PWWP3B: variants seen among roughly 807,000 people sequenced by gnomAD.
The protein encoded by PWWP3B is PWWP domain-containing DNA repair factor 3B.
A neutral mutation model predicts 15.7 loss-of-function variants in PWWP3B; 5 were observed. The observed-to-expected ratio is 0.32, with a 90% CI of 0.17 to 0.67. The LOEUF (loss-of-function observed/expected upper bound fraction) is 0.67, where lower values mean the gene tolerates loss of function less well. PWWP3B is among the 30% of genes least tolerant of loss of function. PWWP3B has a pLI of 0.74. For synonymous variants in PWWP3B, 203 were observed against 179.8 expected (o/e 1.13, Z -1.03); for missense variants, 519 against 493.1 (o/e 1.05, Z -0.50).
At chrX:106,169,188 T>C (rs903704262) in intron 1 of PWWP3B, among the ~76,000 whole-genome samples, 3 of 111,630 alleles carry the variant, frequency 2.7e-5, no homozygotes, top group South Asian at 7.5e-4. Context: ...TATGTCGGCA[T>C]AGAAACTGAG....
chrX:106,175,722 T>C (rs1921868734), intron 2 of PWWP3B, among the ~76,000 whole-genome samples: 1 of 111,520 alleles, frequency 9.0e-6, no homozygotes, highest in South Asian at 3.8e-4. Context: ...CCTAGCTTTG[T>C]GACCGTGGCA....
intron 2 of PWWP3B, among the ~76,000 whole-genome samples, chrX:106,189,099 A>G (rs1295345910): frequency 8.9e-6 from 1 of 112,214 alleles, no homozygotes; most frequent in Non-Finnish European, 1.9e-5. Flanking sequence ...TAGCTGTGAC[A>G]TTTTGCATTT....
Position 106,206,033 on chromosome X carries a change from G to A in PWWP3B, c.601G>A (p.Glu201Lys). The A allele has an allele frequency of 8.3e-7, 1 of 1,209,100 alleles. No homozygotes were observed. The highest frequency in any genetic ancestry group is 1.7e-5 in the African/African-American group (1 of 57,760). ...GTGCGAGACTTTCCCTTCACTTTCG[G>A]AAGATAATGATGAAAAAGAGAACAA... ...SWCETFPSLS[E>K]DNDEKENKNK... The change falls in exon 4 of 4, where the codon GAA becomes AAA. Residue 201 changes from glutamate (E) to lysine (K), a missense_variant. Physicochemically the swap from Glu to Lys is moderately conservative, Grantham distance 56. Transcript: ENST00000357175.
chrX:106,205,939 A>G lies in PWWP3B; in HGVS notation c.507A>G (p.Ser169=). The stretch of plus-strand genomic sequence containing the variant: ...ATGATTCCCTGTATGATGATAAATC[A>G]CAAGCACCCACAATGGTCGATACTA... ...ESDDSLYDDK[S]QAPTMVDTIP... is the part of the protein sequence containing the mutation. Residue 169 remains serine (S), a synonymous_variant, in exon 4 of 4, where the codon TCA becomes TCG. Coordinates refer to ENST00000357175, the MANE Select transcript of PWWP3B (RefSeq NM_001171020.2). 1 of 1,210,854 alleles carries G rather than the reference A, an allele frequency of 8.3e-7. No homozygotes were observed. Among genetic ancestry groups the G allele is most frequent in the Non-Finnish European group, 1.1e-6 (1 of 895,030 alleles).
chrX:106,170,744 C>T (rs1921574838), intron 1 of PWWP3B, among the ~76,000 whole-genome samples: 1 of 111,714 alleles, frequency 9.0e-6, no homozygotes, highest in African/African-American at 3.3e-5. Context: ...GAGTCTGGCC[C>T]ATAGTAGAAA....
intron 2 of PWWP3B, among the ~76,000 whole-genome samples, chrX:106,189,304 T>C: frequency 9.0e-6 from 1 of 111,415 alleles, no homozygotes; most frequent in Non-Finnish European, 1.9e-5. Flanking sequence ...TATGTATACA[T>C]GTGCCATGTT....
chrX:106,192,390 C>G (rs1160865334), intron 2 of PWWP3B, among the ~76,000 whole-genome samples: 211 of 110,400 alleles, frequency 1.9e-3, no homozygotes, highest in Non-Finnish European at 3.4e-3. Flanking sequence ...TGGTGATATC[C>G]CCTTTATCAT....
chrX:106,187,341 C>T (rs1273969346), intron 2 of PWWP3B, among the ~76,000 whole-genome samples: 1 of 111,777 alleles, frequency 8.9e-6, no homozygotes, highest in Non-Finnish European at 1.9e-5. Flanking sequence ...AAAATGTTTC[C>T]CATTCCATCA....
Position 106,205,963 on chromosome X carries a change from T to C in PWWP3B, c.531T>C (p.Thr177=). ...CACAAGCACCCACAATGGTCGATAC[T>C]ATTCCAAGTGAAGTGGAAACAAAGT... is the stretch of plus-strand genomic sequence containing the variant. ...DKSQAPTMVD[T]IPSEVETKSL... Residue 177 remains threonine, a synonymous_variant, in exon 4 of 4, where the codon ACT becomes ACC. Coordinates refer to ENST00000357175, the MANE Select transcript of PWWP3B (RefSeq NM_001171020.2). 8.3e-7 allele frequency: 1 copy of C among 1,210,477 alleles called. No individual in the cohort carries two copies. Among genetic ancestry groups the C allele is most frequent in the Non-Finnish European group, 1.1e-6 (1 of 894,759 alleles).
At chrX:106,176,319 G>A (rs1417152430) in intron 2 of PWWP3B, among the ~76,000 whole-genome samples, 1 of 110,477 alleles carries the variant, frequency 9.1e-6, no homozygotes, top group Non-Finnish European at 1.9e-5. Context: ...GTCTCGAACC[G>A]CTGGCCTCAA....
intron 1 of PWWP3B, among the ~76,000 whole-genome samples, chrX:106,170,527 T>C (rs1041459119): frequency 3.6e-5 from 4 of 112,252 alleles, no homozygotes; most frequent in African/African-American, 1.3e-4. Context: ...AAGATGGTGC[T>C]TGCCAGGTTT....
chrX:106,207,210 C>G lies in PWWP3B; in HGVS notation c.1778C>G (p.Thr593Arg), dbSNP rs762019423. ...TCATTTTTGAATGCAAATAGGTTCACACCCTGTATTGAAACATACTTTGAG... is the reference window on the plus strand; with the variant it reads ...TCATTTTTGAATGCAAATAGGTTCAGACCCTGTATTGAAACATACTTTGAG... ...LKSFLNANRF[T>R]PCIETYFEDE... The change falls in exon 4 of 4, where the codon ACA becomes AGA. Residue 593 changes from threonine to arginine, a missense_variant. Thr to Arg is a moderately conservative substitution (Grantham distance 71). Coordinates refer to ENST00000357175, the MANE Select transcript of PWWP3B (RefSeq NM_001171020.2). 9 of 1,207,658 alleles carry G rather than the reference C, an allele frequency of 7.5e-6. No individual in the cohort carries two copies. The highest frequency in any genetic ancestry group is 1.7e-5 in the African/African-American group (1 of 57,354).
rs995743836 is a variant in PWWP3B at position 106,207,642 on chromosome X, CTTT to C, written c.*125_*127del. On this transcript the variant is annotated 3_prime_UTR_variant, in exon 4 of 4. Transcript: ENST00000357175. Reference sequence around the variant, plus strand: ...AATGGGAGCATGGATAATGTGTTCACTTTTTTTTGAGATCTCTAGGATCTGTGG... The same window carrying C: ...AATGGGAGCATGGATAATGTGTTCACTTTTTGAGATCTCTAGGATCTGTGG... 8.7e-6 allele frequency: 6 copies of C among 688,816 alleles called. No homozygotes were observed. The highest frequency in any genetic ancestry group is 6.1e-6 in the Non-Finnish European group (3 of 495,809). 56.8% of individuals were successfully genotyped at this position (688,816 alleles called of 1,213,427 possible).
At chrX:106,193,656 A>G (rs1275962173) in intron 2 of PWWP3B, among the ~76,000 whole-genome samples, 3 of 112,050 alleles carry the variant, frequency 2.7e-5, no homozygotes, top group Non-Finnish European at 5.6e-5. Context: ...ACAATTTGGC[A>G]TGTTTTTGCA....
chrX:106,169,046 G>A (rs1478720401), intron 1 of PWWP3B, among the ~76,000 whole-genome samples: 2 of 111,552 alleles, frequency 1.8e-5, no homozygotes, highest in Admixed American at 9.6e-5. Flanking sequence ...AATAACAGAC[G>A]TGCATTAGTA....
chrX:106,189,249 C>T (rs1234286499), intron 2 of PWWP3B, among the ~76,000 whole-genome samples: 4 of 110,569 alleles, frequency 3.6e-5, no homozygotes, highest in Admixed American at 1.9e-4. Context: ...TATTATTATA[C>T]TTTTAAGGTT....
intron 2 of PWWP3B, among the ~76,000 whole-genome samples, chrX:106,193,725 G>A (rs907047089): frequency 1.8e-5 from 2 of 111,640 alleles, no homozygotes; most frequent in African/African-American, 3.3e-5. Flanking sequence ...GCTCTTTTAC[G>A]GCAGGCCTGG....
At chrX:106,198,210 A>G (rs1159164519) in intron 2 of PWWP3B, among the ~76,000 whole-genome samples, 1 of 111,562 alleles carries the variant, frequency 9.0e-6, no homozygotes, top group Non-Finnish European at 1.9e-5. Context: ...CAGTCAGAAA[A>G]GTTTCATCAC....
chrX:106,168,928 T>A (rs189652174), intron 1 of PWWP3B, among the ~76,000 whole-genome samples: 1 of 112,009 alleles, frequency 8.9e-6, no homozygotes, highest in East Asian at 2.8e-4. Flanking sequence ...ATAATAGCTT[T>A]TTAAATAATG....
Sources: allele counts gnomAD v4.1 joint callset (sites outside exome capture counted in the v4.1 genomes callset), GRCh38; gene constraint gnomAD v4.1.1; transcripts MANE v1.5; gene names NCBI Gene and HGNC (gene_info 2026-07-23, HGNC 2026-07-21).